Variants in TULP4 observed in about 807,000 individuals in gnomAD.
TULP4 encodes tubby-related protein 4.
Under a neutral mutation model 129.0 loss-of-function variants are expected in TULP4, and 16 were observed. That is an observed-to-expected ratio of 0.12 (90% confidence interval 0.08 to 0.19). TULP4 has a LOEUF of 0.19. Among genes scored for constraint, TULP4 ranks in the 10% least tolerant of loss-of-function variants. TULP4 has a pLI of 1.00. For synonymous variants in TULP4, 998 were observed against 854.0 expected (o/e 1.17, Z -2.94); for missense variants, 1,842 against 2,059.1 (o/e 0.89, Z 2.04).
intron 2 of TULP4, among the ~76,000 whole-genome samples, chr6:158,424,895 G>A (rs1340494368): frequency 1.3e-5 from 2 of 151,742 alleles, no homozygotes; most frequent in African/African-American, 4.8e-5. Flanking sequence ...GGCTCGTACC[G>A]GTAATCCCAG....
At chr6:158,258,775 A>G (rs1199471544) in intron 1 of TULP4, among the ~76,000 whole-genome samples, 1 of 152,254 alleles carries the variant, frequency 6.6e-6, no homozygotes. Context: ...ACAAATTCGG[A>G]AGCTGCTTTT....
intron 6 of TULP4, among the ~76,000 whole-genome samples, chr6:158,465,406 A>T (rs1779532393): frequency 6.6e-6 from 1 of 152,152 alleles, no homozygotes; most frequent in African/African-American, 2.4e-5. Context: ...ATTGATGGAC[A>T]TTTGGGTTTC....
intron 1 of TULP4, among the ~76,000 whole-genome samples, chr6:158,362,743 G>C (rs181624314): frequency 7.2e-5 from 11 of 152,346 alleles, no homozygotes; most frequent in Admixed American, 7.2e-4. Flanking sequence ...CATGCACACA[G>C]AGTGTTGTTT....
chr6:158,377,501 A>G (rs191758071), intron 1 of TULP4, among the ~76,000 whole-genome samples: 1 of 152,366 alleles, frequency 6.6e-6, no homozygotes, highest in East Asian at 1.9e-4. Flanking sequence ...ATTAATTGTA[A>G]TGTAAATGTA....
At chr6:158,277,354 C>T (rs1778665736), upstream of TULP4, among the ~76,000 whole-genome samples, 1 of 152,186 alleles carries the variant, frequency 6.6e-6, no homozygotes, top group African/African-American at 2.4e-5. Context: ...TAAAGAGTAT[C>T]AGAGAAATTA....
chr6:158,237,534 A>C, intron 1 of TULP4: 1 of 1,558,532 alleles, frequency 6.4e-7, no homozygotes, highest in Non-Finnish European at 8.8e-7. Flanking sequence ...AAGCTCCTGC[A>C]GTTGCTCCCT....
At chr6:158,234,822 G>C (rs955042845) in intron 1 of TULP4, among the ~76,000 whole-genome samples, 2 of 152,178 alleles carry the variant, frequency 1.3e-5, no homozygotes, top group Non-Finnish European at 2.9e-5. Flanking sequence ...TTACTAAATT[G>C]TAACATACTA....
intron 5 of TULP4, 86 bp downstream of exon 5, chr6:158,452,354 C>T (rs1779181077): frequency 6.5e-7 from 1 of 1,529,146 alleles, no homozygotes; most frequent in African/African-American, 1.4e-5. Context: ...TCTGTGCTTA[C>T]TGATTCCTGT....
chr6:158,455,736 C>CAAA (rs71030174), intron 5 of TULP4, among the ~76,000 whole-genome samples: 180 of 141,356 alleles, frequency 1.3e-3, no homozygotes, highest in African/African-American at 4.2e-3. Context: ...GACTCCGTCT[C>CAAA]AAAAAAAAAA....
In TULP4 at chr6:158,509,911, T is replaced by G. The variant is rs1780699291; in HGVS notation, c.*3217T>G. 1 of 152,246 alleles carries G rather than the reference T, an allele frequency of 6.6e-6. No homozygotes were observed. Among genetic ancestry groups the G allele is most frequent in the Non-Finnish European group, 1.5e-5 (1 of 68,046 alleles). 9.4% of individuals were successfully genotyped at this position (152,246 alleles called of 1,614,324 possible). A position where few individuals can be genotyped will look rare whatever the true frequency, so the allele number is the denominator to read the frequency against. ...CTCTGTTGACTAAATACGACGAAAA[T>G]TCATACTTTATGCAGGAGATTTCTA... On this transcript the variant is annotated 3_prime_UTR_variant, in exon 14 of 14. Coordinates refer to ENST00000367097, the MANE Select transcript of TULP4 (RefSeq NM_020245.5).
chr6:158,439,598 T>C (rs1285534282), intron 3 of TULP4, among the ~76,000 whole-genome samples: 4 of 151,930 alleles, frequency 2.6e-5, no homozygotes. Flanking sequence ...TTATAGGCAC[T>C]GCATAGATTT....
chr6:158,428,749 A>G (rs539981542), intron 2 of TULP4, among the ~76,000 whole-genome samples: 3 of 152,184 alleles, frequency 2.0e-5, no homozygotes, highest in Non-Finnish European at 4.4e-5. Context: ...ATTACTAACC[A>G]TAAGTGAGAG....
rs557706232 is a variant in TULP4, at chr6:158,290,794, T to G, written n.116+8416T>G. The stretch of plus-strand genomic sequence containing the variant: ...GTTTGATCAAATTGTCTTTTTTTTA[T>G]TTTTTAGTTTTCTACCTTCCCCCCC... On this transcript the variant is annotated intron_variant and non_coding_transcript_variant, in intron 1 of 1. Transcript: ENST00000432358. Among the ~76,000 whole-genome samples, 19 of 152,326 alleles carry G rather than the reference T, an allele frequency of 1.2e-4. No individual in the cohort carries two copies. The South Asian group carries it at 2.9e-3, about 23-fold the overall frequency.
At chr6:158,449,305 A>G in intron 4 of TULP4, 129 bp downstream of exon 4, 5 of 925,080 alleles carry the variant, frequency 5.4e-6, no homozygotes, top group Non-Finnish European at 7.8e-6. Flanking sequence ...CTTCCTGGGA[A>G]GAGTTATCAA....
intron 1 of TULP4, chr6:158,237,453 T>G (rs1777734800): frequency 6.4e-7 from 1 of 1,553,668 alleles, no homozygotes; most frequent in African/African-American, 1.4e-5. Context: ...AGGCAGATAG[T>G]GTCGCTGCAC....
At chr6:158,425,748 C>T (rs1027351173) in intron 2 of TULP4, among the ~76,000 whole-genome samples, 6 of 151,970 alleles carry the variant, frequency 3.9e-5, no homozygotes, top group African/African-American at 1.4e-4. Flanking sequence ...GGATTACAGG[C>T]ACCTGACACA....
intron 11 of TULP4, 126 bp from the exon 12 acceptor site, chr6:158,498,543 G>A: frequency 1.7e-6 from 2 of 1,202,774 alleles, no homozygotes; most frequent in East Asian, 2.3e-5. Flanking sequence ...TCTGGGCCCT[G>A]CCTACACAGA....
At chr6:158,325,773 C>T (rs1293764337) in intron 1 of TULP4, among the ~76,000 whole-genome samples, 1 of 145,940 alleles carries the variant, frequency 6.9e-6, no homozygotes, top group Non-Finnish European at 1.6e-5. Context: ...TTCACCTAAA[C>T]TGGCTTATCT....
rs768420282 is a variant in TULP4 at position 158,481,077 on chromosome 6, A to G, written c.1274A>G (p.Asn425Ser). The part of the protein sequence containing the change: ...TIKPPIPDPN[N>S]MRDFVSYPSA... The stretch of plus-strand genomic sequence containing the variant: ...CAGCCCCCAATTCCAGATCCGAACA[A>G]CATGAGAGACTTTGTCAGCTACCCA... Residue 425 changes from asparagine to serine, a missense_variant, in exon 8 of 14, where the codon AAC becomes AGC. This residue lies in a region of TULP4 where 456 missense variants were observed against 534.3 expected (regional missense o/e 0.85). Transcript: ENST00000367097. 6.3e-7 allele frequency: 1 copy of G among 1,586,304 alleles called. No individual in the cohort carries two copies. Among genetic ancestry groups the G allele is most frequent in the Non-Finnish European group, 8.6e-7 (1 of 1,162,864 alleles).
Sources: gnomAD v4.1 joint callset for allele counts (sites outside exome capture counted in the v4.1 genomes callset) on GRCh38, gnomAD v4.1.1 for gene constraint, gnomAD v4.1.1 regional missense constraint, MANE v1.5 for transcripts, NCBI Gene and HGNC (gene_info 2026-07-23, HGNC 2026-07-21) for gene names.